Variants in KBTBD11 observed in about 807,000 individuals in gnomAD.
KBTBD11 encodes the protein kelch repeat and BTB domain containing 11.
For synonymous variants in KBTBD11, 747 were observed against 499.0 expected (o/e 1.50, Z -6.63); for missense variants, 1,390 against 1,001.8 (o/e 1.39, Z -5.23).
intron 1 of KBTBD11, among the ~76,000 whole-genome samples, chr8:1,992,963 G>A (rs185972666): frequency 2.1e-3 from 314 of 152,030 alleles, no homozygotes; most frequent in Non-Finnish European, 3.7e-3. Context: ...TTTGAGACAT[G>A]GTCTGATTCT....
chr8:1,993,704 A>G (rs1817021303), intron 1 of KBTBD11, among the ~76,000 whole-genome samples: 1 of 151,830 alleles, frequency 6.6e-6, no homozygotes, highest in Non-Finnish European at 1.5e-5. Context: ...CCTATCTGTA[A>G]TGATACTATG....
chr8:1,983,483 G>A (rs563573745), intron 1 of KBTBD11, among the ~76,000 whole-genome samples: 122 of 152,146 alleles, frequency 8.0e-4, no homozygotes, highest in Non-Finnish European at 1.4e-3. Flanking sequence ...TCCATCATCC[G>A]TCGGGTTATC....
At chr8:1,993,922 T>TACAC (rs57317862) in intron 1 of KBTBD11, among the ~76,000 whole-genome samples, 14,887 of 139,634 alleles carry the variant, frequency 0.11, 914 homozygotes, top group Admixed American at 0.19. Context: ...CAATACCCCC[T>TACAC]ACACACACAC....
At chr8:1,988,225 A>T (rs188098760) in intron 1 of KBTBD11, among the ~76,000 whole-genome samples, 4 of 152,312 alleles carry the variant, frequency 2.6e-5, no homozygotes, top group African/African-American at 9.6e-5. Flanking sequence ...AGCATGATTT[A>T]TAGTCCTTTG....
chr8:1,993,921 C>CCCCACACA (rs1488600793), intron 1 of KBTBD11, among the ~76,000 whole-genome samples: 1 of 39,300 alleles, frequency 2.5e-5, no homozygotes, highest in East Asian at 2.2e-3. Context: ...ACAATACCCC[C>CCCCACACA]TACACACACA....
rs978885308 is a variant in KBTBD11, at chr8:2,001,096, C to G, written c.-97C>G. On this transcript the variant is annotated 5_prime_UTR_variant, in exon 2 of 2. Coordinates refer to ENST00000320248, the MANE Select transcript of KBTBD11 (RefSeq NM_014867.3). ...AAATCTGATCGCGTGCCAGGAAAAG[C>G]TGTGAGGCTGGAAACCCCGGAGTAA... The G allele has an allele frequency of 4.0e-6, 5 of 1,258,400 alleles. No individual in the cohort carries two copies. The highest frequency in any genetic ancestry group is 1.6e-5 in the African/African-American group (1 of 64,402). The allele number at this position is 1,258,400 out of a possible 1,614,324, so 78.0% of individuals were successfully genotyped here.
chr8:1,991,406 C>T (rs1356854017), intron 1 of KBTBD11, among the ~76,000 whole-genome samples: 2 of 152,238 alleles, frequency 1.3e-5, no homozygotes, highest in Admixed American at 6.5e-5. Flanking sequence ...ACCTCAGACG[C>T]CCCCAGAAGC....
At chr8:1,980,167 T>A (rs34806713) in intron 1 of KBTBD11, among the ~76,000 whole-genome samples, 113,065 of 151,300 alleles carry the variant, frequency 0.75, 42,431 homozygotes, top group South Asian at 0.85. Flanking sequence ...AATATTGAGA[T>A]AAGAAGATAG....
In KBTBD11 at chr8:2,001,464, TCGCGTCCCCTGAGGAGCG is replaced by T. The variant is rs1228698871; in HGVS notation, c.278_295del (p.Ser93_Ala98del). ...GCGGGCGCCGCGTCCCCGGAGGAGC[TCGCGTCCCCTGAGGAGCG>T]CGCGTGCCCGGAAGAGCCCGCGGCG... On this transcript the variant is annotated inframe_deletion, in exon 2 of 2. Coordinates refer to ENST00000320248, the MANE Select transcript of KBTBD11 (RefSeq NM_014867.3). 32 of 1,364,176 alleles carry T rather than the reference TCGCGTCCCCTGAGGAGCG, an allele frequency of 2.3e-5. No individual in the cohort carries two copies. Among genetic ancestry groups the T allele is most frequent in the East Asian group, 3.1e-5 (1 of 32,476 alleles). The allele number at this position is 1,364,176 out of a possible 1,614,324, so 84.5% of individuals were successfully genotyped here. A position where few individuals can be genotyped will look rare whatever the true frequency, so the allele number is the denominator to read the frequency against.
rs1180733998 is a variant in KBTBD11, at chr8:1,989,295, C to A, written c.-908-10990C>A. 2.0e-5 allele frequency among the ~76,000 whole-genome samples: 3 copies of A among 152,212 alleles called. No homozygotes were observed. The East Asian group carries it at 5.8e-4, about 29-fold the overall frequency. The stretch of plus-strand genomic sequence containing the variant: ...TTTGTACTCCTCTGAATCAAAGGCT[C>A]TTTTGAATGAGTACAATGATTTATT... On this transcript the variant is annotated intron_variant, in intron 1 of 1. Coordinates refer to ENST00000320248, the MANE Select transcript of KBTBD11 (RefSeq NM_014867.3).
chr8:1,992,322 A>C (rs1263559817), intron 1 of KBTBD11, among the ~76,000 whole-genome samples: 2 of 152,110 alleles, frequency 1.3e-5, no homozygotes, highest in Non-Finnish European at 2.9e-5. Context: ...ACACAGTACA[A>C]AAGCACAAAT....
At chr8:1,998,814 C>T (rs12056848) in intron 1 of KBTBD11, among the ~76,000 whole-genome samples, 63,733 of 152,206 alleles carry the variant, frequency 0.42, 15,297 homozygotes, top group East Asian at 0.77. Flanking sequence ...GCTGGAAAGA[C>T]TCTGCAGTCT....
chr8:1,991,336 C>A (rs1231084186), intron 1 of KBTBD11, among the ~76,000 whole-genome samples: 1 of 152,230 alleles, frequency 6.6e-6, no homozygotes, highest in Non-Finnish European at 1.5e-5. Context: ...ATTACAGTTT[C>A]CAAGGATGGG....
chr8:1,975,509 T>G (rs1374843289), intron 1 of KBTBD11, among the ~76,000 whole-genome samples: 1 of 152,262 alleles, frequency 6.6e-6, no homozygotes, highest in Non-Finnish European at 1.5e-5. Flanking sequence ...GTGTGCAGTC[T>G]GGAGCAGGAG....
chr8:1,986,267 A>C (rs190279128), intron 1 of KBTBD11, among the ~76,000 whole-genome samples: 4 of 152,268 alleles, frequency 2.6e-5, no homozygotes, highest in African/African-American at 9.6e-5. Flanking sequence ...TGAATATCCT[A>C]CTTTTGAGAA....
intron 1 of KBTBD11, among the ~76,000 whole-genome samples, chr8:1,980,427 A>T (rs969006269): frequency 1.3e-5 from 2 of 152,130 alleles, no homozygotes; most frequent in Admixed American, 6.5e-5. Context: ...GGGTTTCACC[A>T]TGTTGGCCAG....
rs1314021745 is a variant in KBTBD11 at position 2,005,074 on chromosome 8, T to A, written c.*2010T>A. 6.0e-6 allele frequency: 1 copy of A among 167,048 alleles called. No individual in the cohort carries two copies. Among genetic ancestry groups the A allele is most frequent in the Non-Finnish European group, 1.5e-5 (1 of 68,122 alleles). 10.3% of individuals were successfully genotyped at this position (167,048 alleles called of 1,614,324 possible). A position where few individuals can be genotyped will look rare whatever the true frequency, so the allele number is the denominator to read the frequency against. On this transcript the variant is annotated 3_prime_UTR_variant, in exon 2 of 2. Transcript: ENST00000320248. ...AAATTAGGCTTCCAGAGTAACACTGTCCCCGGAAAAGGATATGAGAAGTGG... is the reference window on the plus strand; with the variant it reads ...AAATTAGGCTTCCAGAGTAACACTGACCCCGGAAAAGGATATGAGAAGTGG...
At position 2,003,288 on chromosome 8, in the gene KBTBD11, C is replaced by A; in HGVS notation, c.*224C>A. 1 of 572,314 alleles carries A rather than the reference C, an allele frequency of 1.7e-6. No homozygotes were observed. Among genetic ancestry groups the A allele is most frequent in the Non-Finnish European group, 2.6e-6 (1 of 379,864 alleles). 35.5% of individuals were successfully genotyped at this position (572,314 alleles called of 1,614,324 possible). ...GATGCCTTGAGACCCAGGAGGTGTGCGGATGGGTCCCTTGACAGACAGGAC... is the reference window on the plus strand; with the variant it reads ...GATGCCTTGAGACCCAGGAGGTGTGAGGATGGGTCCCTTGACAGACAGGAC... On this transcript the variant is annotated 3_prime_UTR_variant, in exon 2 of 2. Coordinates refer to ENST00000320248, the MANE Select transcript of KBTBD11 (RefSeq NM_014867.3).
rs1028414082 is a variant in KBTBD11 at position 2,006,319 on chromosome 8, A to T, written c.*3255A>T. The T allele has an allele frequency of 1.8e-5, 3 of 167,094 alleles. No homozygotes were observed. The highest frequency in any genetic ancestry group is 7.2e-5 in the African/African-American group (3 of 41,470). 10.4% of individuals were successfully genotyped at this position (167,094 alleles called of 1,614,324 possible). Reference sequence around the variant, plus strand: ...TTTTGCTGAAGTCAGGATAGATTCAAGACATAATCTCTTGTAAGATCTAAA... The same window carrying T: ...TTTTGCTGAAGTCAGGATAGATTCATGACATAATCTCTTGTAAGATCTAAA... On this transcript the variant is annotated 3_prime_UTR_variant, in exon 2 of 2. Coordinates refer to ENST00000320248, the MANE Select transcript of KBTBD11 (RefSeq NM_014867.3).
Sources: allele counts gnomAD v4.1 joint callset (sites outside exome capture counted in the v4.1 genomes callset), GRCh38; gene constraint gnomAD v4.1.1; transcripts MANE v1.5; gene names NCBI Gene and HGNC (gene_info 2026-07-23, HGNC 2026-07-21).